Variants in WDR45 observed in about 807,000 individuals in gnomAD.
The protein encoded by WDR45 is WD repeat domain 45, also known as WD repeat domain phosphoinositide-interacting protein 4.
Under a neutral mutation model 27.3 loss-of-function variants are expected in WDR45, and 2 were observed. The ratio of observed to expected loss-of-function variants is 0.07; its 90% confidence interval spans 0.03 to 0.23. The LOEUF (loss-of-function observed/expected upper bound fraction) is 0.23, where lower values mean the gene tolerates loss of function less well. Ranked by LOEUF, WDR45 falls within the 10% of genes least tolerant of loss-of-function variation. The pLI is 1.00. For synonymous variants in WDR45, 99 were observed against 119.2 expected, an observed-to-expected ratio of 0.83 and a Z score of 1.11; for missense variants, 175 against 311.9, an observed-to-expected ratio of 0.56 and a Z score of 3.31.
At chrX:49,083,512 C>A (rs1557085527), upstream of WDR45, among the ~76,000 whole-genome samples, 2 of 110,228 alleles carry the variant, frequency 1.8e-5, no homozygotes, top group African/African-American at 6.6e-5. Context: ...TTCTCTGGAA[C>A]ACCAGACTCA....
chrX:49,093,427 G>C (rs937376580), intron 2 of WDR45, among the ~76,000 whole-genome samples: 1 of 110,705 alleles, frequency 9.0e-6, no homozygotes, highest in Non-Finnish European at 1.9e-5. Flanking sequence ...CGCTGAGCCC[G>C]GCCAGCCCAG....
chrX:49,077,810 A>G lies in WDR45; in HGVS notation c.130+27T>C, dbSNP rs782789944. ...AACGCCCAGCCCAGCTCTTCTGCCCATTGCCCCTCCCCTGCCAACAGCTCA... is the reference window on the plus strand; with the variant it reads ...AACGCCCAGCCCAGCTCTTCTGCCCGTTGCCCCTCCCCTGCCAACAGCTCA... On this transcript the variant is annotated intron_variant, in intron 3 of 10. Coordinates refer to ENST00000376372, the MANE Select transcript of WDR45 (RefSeq NM_001029896.2). 4 of 1,209,955 alleles carry G rather than the reference A, an allele frequency of 3.3e-6. No homozygotes were observed. In the East Asian group the frequency reaches 8.9e-5, roughly 27 times the overall value.
intron 1 of WDR45, 99 bp from the exon 2 acceptor site, chrX:49,078,211 CTG>C: frequency 1.3e-6 from 1 of 794,330 alleles, no homozygotes; most frequent in Non-Finnish European, 1.8e-6. Flanking sequence ...ACTACTGACT[CTG>C]GAGTGACTGC....
intron 6 of WDR45, 129 bp downstream of exon 6, chrX:49,076,301 G>A: frequency 4.1e-6 from 3 of 726,674 alleles, no homozygotes; most frequent in East Asian, 6.6e-5. Context: ...GGCTATGAGT[G>A]TGAGCATCTC....
At chrX:49,076,014 T>C (rs974549819) in intron 6 of WDR45, 69 bp from the exon 7 acceptor site, 4 of 923,116 alleles carry the variant, frequency 4.3e-6, no homozygotes, top group Admixed American at 2.5e-5. Flanking sequence ...TGGACAGAGC[T>C]GGATGAGGAC....
intron 2 of WDR45, among the ~76,000 whole-genome samples, chrX:49,086,591 T>G (rs2065086856): frequency 9.0e-6 from 1 of 111,055 alleles, no homozygotes; most frequent in South Asian, 3.7e-4. Flanking sequence ...GCTATTTGTC[T>G]TTTCTCTTTT....
rs2065024844 is a variant in WDR45, at chrX:49,074,467, T to C, written c.*336A>G. The C allele has an allele frequency of 2.9e-6, 1 of 347,363 alleles. No individual in the cohort carries two copies. 28.6% of individuals were successfully genotyped at this position (347,363 alleles called of 1,213,427 possible). A position where few individuals can be genotyped will look rare whatever the true frequency, so the allele number is the denominator to read the frequency against. ...TGCCATTAAGGGCCTTTTATTCGTA[T>C]TCATCACATCGGAGATCATCTCTTC... is the stretch of plus-strand genomic sequence containing the variant. On this transcript the variant is annotated 3_prime_UTR_variant, in exon 11 of 11. Transcript: ENST00000376372.
intron 4 of WDR45, chrX:49,077,007 G>A (rs1460766411): frequency 1.1e-4 from 40 of 364,029 alleles, no homozygotes; most frequent in Non-Finnish European, 1.8e-4. Context: ...GGACCTCAAA[G>A]CTCATCAGCA....
intron 6 of WDR45, chrX:49,076,158 C>G: frequency 4.3e-6 from 2 of 465,507 alleles, no homozygotes; most frequent in Non-Finnish European, 7.5e-6. Context: ...GCTATCACAG[C>G]CCCAGAAGCT....
intron 2 of WDR45, among the ~76,000 whole-genome samples, chrX:49,099,322 C>CA (rs367934239): frequency 0.04 from 4,074 of 101,725 alleles, 226 homozygotes; most frequent in African/African-American, 0.13. Flanking sequence ...GACTCCATTT[C>CA]AAAAAAAAAA....
chrX:49,082,828 C>G (rs1462077810), upstream of WDR45, among the ~76,000 whole-genome samples: 1 of 110,748 alleles, frequency 9.0e-6, no homozygotes, highest in African/African-American at 3.3e-5. Flanking sequence ...ATTCTCCTGC[C>G]TTAGCCTCCT....
At chrX:49,079,896 C>G (rs1557084848), upstream of WDR45, 1 of 113,249 alleles carries the variant, frequency 8.8e-6, no homozygotes, top group Non-Finnish European at 1.9e-5. Flanking sequence ...TTACATCAGG[C>G]CCTACTTCCG....
intron 2 of WDR45, among the ~76,000 whole-genome samples, chrX:49,098,218 G>C (rs2065132841): frequency 9.0e-6 from 1 of 110,698 alleles, no homozygotes; most frequent in South Asian, 3.8e-4. Context: ...AATACTGCAG[G>C]GCATGGAGGC....
intron 2 of WDR45, among the ~76,000 whole-genome samples, chrX:49,089,458 G>A (rs984645227): frequency 9.1e-6 from 1 of 110,182 alleles, no homozygotes; most frequent in South Asian, 4.0e-4. Flanking sequence ...GCAGTGGTGT[G>A]ATCTCAGCTC....
At chrX:49,091,749 C>T (rs1282726396) in intron 2 of WDR45, among the ~76,000 whole-genome samples, 3 of 49,329 alleles carry the variant, frequency 6.1e-5, no homozygotes, top group Non-Finnish European at 1.0e-4. Context: ...GAGCGAGACT[C>T]CGTCTCAAAA....
intron 2 of WDR45, among the ~76,000 whole-genome samples, chrX:49,091,152 TAGAG>T (rs1442026961): frequency 6.4e-5 from 7 of 110,203 alleles, no homozygotes; most frequent in African/African-American, 2.3e-4. Context: ...TGAAAGAACT[TAGAG>T]AGAGCTAGTC....
Position 49,075,534 on chromosome X carries a change from C to T in WDR45, c.725+11G>A. The T allele has an allele frequency of 1.7e-6, 2 of 1,211,560 alleles. No homozygotes were observed. Among genetic ancestry groups the T allele is most frequent in the Non-Finnish European group, 2.2e-6 (2 of 895,382 alleles). On this transcript the variant is annotated intron_variant, in intron 8 of 10. Coordinates refer to ENST00000376372, the MANE Select transcript of WDR45 (RefSeq NM_001029896.2). ...GGGGTCACCAGCCCACCATGCATAC[C>T]CTGTGCTCACCAGTAGAGGGTGGCA...
At position 49,085,745 on chromosome X, in the gene WDR45, C is replaced by T. The variant is rs782580928; in HGVS notation, c.-17-7633G>A. On this transcript the variant is annotated intron_variant, in intron 2 of 11. Transcript: ENST00000356463. ...TTTAAAAGTTAGCTGGGAGTGATGG[C>T]GTGTGCCTCTAGTCCCAGCTACTCA... is the stretch of plus-strand genomic sequence containing the variant. 8.2e-5 allele frequency among the ~76,000 whole-genome samples: 9 copies of T among 110,410 alleles called. No individual in the cohort carries two copies. The South Asian group carries it at 2.3e-3, about 28-fold the overall frequency.
chrX:49,076,055 C>G (rs782149186), intron 6 of WDR45, 110 bp from the exon 7 acceptor site: 2 of 662,513 alleles, frequency 3.0e-6, no homozygotes, highest in African/African-American at 4.4e-5. Flanking sequence ...TAAGCTTAAC[C>G]CGAAGAACCC....
Sources: gnomAD v4.1 joint callset for allele counts (sites outside exome capture counted in the v4.1 genomes callset) on GRCh38, gnomAD v4.1.1 for gene constraint, MANE v1.5 for transcripts, NCBI Gene and HGNC (gene_info 2026-07-23, HGNC 2026-07-21) for gene names.